AAMDC: variants seen among roughly 807,000 people sequenced by gnomAD.
The protein encoded by AAMDC is mth938 domain-containing protein.
A neutral mutation model predicts 15.5 loss-of-function variants in AAMDC; 16 were observed. That is an observed-to-expected ratio of 1.03 (90% CI 0.70 to 1.57). The LOEUF (loss-of-function observed/expected upper bound fraction) is 1.57, where lower values mean the gene tolerates loss of function less well. Among genes scored for constraint, AAMDC ranks in the 40% most tolerant of loss-of-function variants. The pLI is 0.00. For synonymous variants in AAMDC, 51 were observed against 51.6 expected (o/e 0.99, Z 0.05); for missense variants, 141 against 144.9 (o/e 0.97, Z 0.14).
chr11:77,881,911 G>GT (rs951135442), intron 5 of AAMDC, among the ~76,000 whole-genome samples: 3,469 of 144,730 alleles, frequency 0.024, 97 homozygotes, highest in African/African-American at 0.074. Context: ...GTTTCTGATG[G>GT]TTTTTTTTTT....
chr11:77,863,679 G>T (rs377312626), intron 2 of AAMDC, among the ~76,000 whole-genome samples: 1 of 152,016 alleles, frequency 6.6e-6, no homozygotes, highest in East Asian at 1.9e-4. Context: ...ATAAGCCACC[G>T]CACCTGGCTG....
intron 2 of AAMDC, 38 bp downstream of exon 2, chr11:77,842,666 G>A (rs1402405084): frequency 6.2e-7 from 1 of 1,600,486 alleles, no homozygotes; most frequent in Non-Finnish European, 8.5e-7. Flanking sequence ...ACATGAGGCT[G>A]ACCAAGTGAT....
At chr11:77,869,566 G>A (rs777800321) in intron 2 of AAMDC, 156 bp from the exon 3 acceptor site, 21 of 623,964 alleles carry the variant, frequency 3.4e-5, no homozygotes, top group Non-Finnish European at 5.3e-5. Context: ...ATCCTGCCTC[G>A]TCAGCCTTCC....
intron 3 of AAMDC, 122 bp downstream of exon 3, chr11:77,869,939 C>G (rs1951334372): frequency 1.1e-6 from 1 of 876,454 alleles, no homozygotes; most frequent in Non-Finnish European, 1.8e-6. Flanking sequence ...TTTGCTGACC[C>G]AGGATAGCAG....
chr11:77,900,909 G>A (rs566166229), downstream of AAMDC: 7 of 419,004 alleles, frequency 1.7e-5, no homozygotes, highest in East Asian at 3.1e-4. Flanking sequence ...CCATGAGGTA[G>A]ATGCTGTCTT....
intron 2 of AAMDC, among the ~76,000 whole-genome samples, chr11:77,848,081 C>T (rs982749758): frequency 3.9e-5 from 6 of 152,198 alleles, no homozygotes; most frequent in Non-Finnish European, 8.8e-5. Context: ...ATACTAATCT[C>T]ATCCATAGAC....
downstream of AAMDC, chr11:77,877,036 G>C (rs900131761): frequency 2.8e-6 from 2 of 702,954 alleles, no homozygotes; most frequent in African/African-American, 3.5e-5. Flanking sequence ...ACATCCTTGA[G>C]AGATGCAAAA....
chr11:77,883,075 AAATAATAAT>A (rs10687244), intron 5 of AAMDC, among the ~76,000 whole-genome samples: 1 of 148,268 alleles, frequency 6.7e-6, no homozygotes, highest in Non-Finnish European at 1.5e-5. Flanking sequence ...CTCCGTCTCA[AAATAATAAT>A]AATAATAATA....
rs1395563936 is a variant in AAMDC, at chr11:77,821,170, G to T, written c.-90G>T. 2.1e-5 allele frequency: 8 copies of T among 374,000 alleles called. No individual in the cohort carries two copies. Among genetic ancestry groups the T allele is most frequent in the Non-Finnish European group, 2.4e-5 (5 of 208,816 alleles). The allele number at this position is 374,000 out of a possible 1,614,324, so 23.2% of individuals were successfully genotyped here. A position where few individuals can be genotyped will look rare whatever the true frequency, so the allele number is the denominator to read the frequency against. ...GTTGGGGAGCGCAGATCCCGAAGCA[G>T]CGCTGGGAGCGTAAGTGCGGGCAGA... On this transcript the variant is annotated 5_prime_UTR_variant, in exon 1 of 4. Transcript: ENST00000393427.
chr11:77,870,061 C>CTTT, intron 3 of AAMDC: 2 of 281,362 alleles, frequency 7.1e-6, no homozygotes. Flanking sequence ...ACAAGGATCA[C>CTTT]TATTTGGTCC....
In AAMDC at chr11:77,884,905, C is replaced by G. The variant is rs533509099; in HGVS notation, c.328+7856C>G. On this transcript the variant is annotated intron_variant, in intron 5 of 5. Coordinates refer to the AAMDC transcript ENST00000304716. The stretch of plus-strand genomic sequence containing the variant: ...GAGGAGTGGGGATTACAGGCACGTG[C>G]CACCACGCCAGGTAATTTTCTTTTT... 1.8e-4 allele frequency: 42 copies of G among 239,100 alleles called. No homozygotes were observed. The South Asian group carries it at 1.9e-3, about 11-fold the overall frequency. 14.8% of individuals were successfully genotyped at this position (239,100 alleles called of 1,614,324 possible). A position where few individuals can be genotyped will look rare whatever the true frequency, so the allele number is the denominator to read the frequency against.
At chr11:77,903,414 C>G (rs1187001718), downstream of AAMDC, 2 of 1,606,222 alleles carry the variant, frequency 1.2e-6, no homozygotes, top group African/African-American at 2.7e-5. Context: ...AAAGGGGCAG[C>G]TACATGCCAC....
intron 2 of AAMDC, among the ~76,000 whole-genome samples, chr11:77,846,027 G>C (rs1318543154): frequency 6.6e-6 from 1 of 151,156 alleles, no homozygotes; most frequent in Admixed American, 6.6e-5. Context: ...TTGAGAACTG[G>C]ACATTTTACA....
At chr11:77,891,536 T>C (rs1196814912) in intron 5 of AAMDC, 3 of 1,582,784 alleles carry the variant, frequency 1.9e-6, no homozygotes, top group Admixed American at 3.5e-5. Flanking sequence ...CTTTTTTCTG[T>C]CTCCTTATCT....
At chr11:77,853,422 G>T (rs895747873) in intron 2 of AAMDC, among the ~76,000 whole-genome samples, 1 of 152,066 alleles carries the variant, frequency 6.6e-6, no homozygotes, top group Non-Finnish European at 1.5e-5. Flanking sequence ...AGGCAGGAGA[G>T]TGGGGAGGTG....
chr11:77,886,629 G>C (rs1290481224), intron 5 of AAMDC, among the ~76,000 whole-genome samples: 1 of 152,136 alleles, frequency 6.6e-6, no homozygotes. Context: ...CTACTATCCA[G>C]CGAAACCACA....
At chr11:77,905,701 C>G (rs1296998879), downstream of AAMDC, among the ~76,000 whole-genome samples, 2 of 152,182 alleles carry the variant, frequency 1.3e-5, no homozygotes, top group African/African-American at 4.8e-5. Context: ...GCAGTGGTGA[C>G]CCAGCACAGT....
At chr11:77,876,402 CTT>C (rs71272225), downstream of AAMDC, among the ~76,000 whole-genome samples, 15 of 144,898 alleles carry the variant, frequency 1.0e-4, no homozygotes, top group East Asian at 4.0e-4. Flanking sequence ...ATAAAAAGGT[CTT>C]TTTTTTTTTT....
chr11:77,852,751 T>A (rs1950450158), intron 2 of AAMDC, among the ~76,000 whole-genome samples: 1 of 152,090 alleles, frequency 6.6e-6, no homozygotes, highest in African/African-American at 2.4e-5. Context: ...AATACATATA[T>A]AAATAATTTT....
Sources: allele counts gnomAD v4.1 joint callset (sites outside exome capture counted in the v4.1 genomes callset), GRCh38; gene constraint gnomAD v4.1.1; transcripts MANE v1.5; gene names NCBI Gene and HGNC (gene_info 2026-07-23, HGNC 2026-07-21).